ACTL8: variants seen among roughly 807,000 people sequenced by gnomAD.
The protein encoded by ACTL8 is actin-like protein 8.
A neutral mutation model predicts 9.3 loss-of-function variants in ACTL8; 3 were observed. The observed-to-expected ratio is 0.32, with a 90% CI of 0.15 to 0.83. ACTL8 has a LOEUF of 0.83. Ranked by LOEUF, ACTL8 falls within the 40% of genes least tolerant of loss-of-function variation. The pLI is 0.57. For synonymous variants in ACTL8, 224 were observed against 205.9 expected (o/e 1.09, Z -0.75); for missense variants, 381 against 492.2 (o/e 0.77, Z 2.14).
chr1:17,809,176 T>C (rs1470041846), intron 1 of ACTL8, among the ~76,000 whole-genome samples: 2 of 152,152 alleles, frequency 1.3e-5, no homozygotes, highest in East Asian at 1.9e-4. Flanking sequence ...AATATGAACT[T>C]GTCTTCCTGG....
At chr1:17,815,747 T>G (rs2066422277) in intron 1 of ACTL8, among the ~76,000 whole-genome samples, 1 of 152,196 alleles carries the variant, frequency 6.6e-6, no homozygotes, top group Non-Finnish European at 1.5e-5. Context: ...CTTCAAAACT[T>G]TTTCTGAGCC....
intron 1 of ACTL8, among the ~76,000 whole-genome samples, chr1:17,761,134 ATTTT>A (rs935834059): frequency 5.3e-5 from 7 of 131,378 alleles, no homozygotes; most frequent in Non-Finnish European, 4.9e-5. Context: ...TTGCGGCTTA[ATTTT>A]TTTTTTTTTT....
In ACTL8 at chr1:17,823,023, C is replaced by T. The variant is rs374320130; in HGVS notation, c.15C>T (p.Thr5=). 44 of 1,613,714 alleles carry T rather than the reference C, an allele frequency of 2.7e-5. No homozygotes were observed. Among genetic ancestry groups the T allele is most frequent in the Non-Finnish European group, 3.2e-5 (38 of 1,179,888 alleles). Residue 5 remains threonine, a synonymous_variant, in exon 2 of 3, where the codon ACC becomes ACT. Transcript: ENST00000375406. The surrounding 1 kb of genome is among the most constrained non-coding windows in gnomAD (Gnocchi z 5.3). Reference sequence around the variant, plus strand: ...CTGCCTCCGCCATGGCTGCAAGAACCGTTATCATTGACCACGGGTCTGGCT... The same window carrying T: ...CTGCCTCCGCCATGGCTGCAAGAACTGTTATCATTGACCACGGGTCTGGCT... MAAR[T]VIIDHGSGFL... is the part of the protein sequence containing the mutation.
chr1:17,826,654 G>C lies in ACTL8; in HGVS notation c.*135G>C. 1 of 886,006 alleles carries C rather than the reference G, an allele frequency of 1.1e-6. No homozygotes were observed. Among genetic ancestry groups the C allele is most frequent in the Non-Finnish European group, 1.6e-6 (1 of 617,910 alleles). 54.9% of individuals were successfully genotyped at this position (886,006 alleles called of 1,614,324 possible). ...GCTTTGGAATTCTAGGGGCATGAGGGTATTTTTTAGGTTCTAAGGTTTTAT... is the reference window on the plus strand; with the variant it reads ...GCTTTGGAATTCTAGGGGCATGAGGCTATTTTTTAGGTTCTAAGGTTTTAT... On this transcript the variant is annotated 3_prime_UTR_variant, in exon 3 of 3. Transcript: ENST00000375406. The surrounding 1 kb of genome is among the most constrained non-coding windows in gnomAD (Gnocchi z 4.5).
intron 1 of ACTL8, among the ~76,000 whole-genome samples, chr1:17,774,124 T>C (rs2102679821): frequency 6.6e-6 from 1 of 152,160 alleles, no homozygotes. Context: ...GACTGCAGAG[T>C]CGGAACTAAA....
intron 1 of ACTL8, among the ~76,000 whole-genome samples, chr1:17,805,753 A>G (rs1469542542): frequency 6.6e-6 from 1 of 152,232 alleles, no homozygotes; most frequent in Non-Finnish European, 1.5e-5. Flanking sequence ...TCCTTAGGGC[A>G]GCCACTGTTG....
At position 17,767,603 on chromosome 1, in the gene ACTL8, T is replaced by C. The variant is rs2066053590; in HGVS notation, c.-25+12099T>C. 6.6e-6 allele frequency among the ~76,000 whole-genome samples: 1 copy of C among 152,104 alleles called. No individual in the cohort carries two copies. Among genetic ancestry groups the C allele is most frequent in the Non-Finnish European group, 1.5e-5 (1 of 68,026 alleles). ...TGTGGCTGCCTTGTCCAGTGGTTATTTGGTGCGCAGTAAGCCCTTTGCTTT... is the reference window on the plus strand; with the variant it reads ...TGTGGCTGCCTTGTCCAGTGGTTATCTGGTGCGCAGTAAGCCCTTTGCTTT... On this transcript the variant is annotated intron_variant, in intron 1 of 2. Coordinates refer to ENST00000375406, the MANE Select transcript of ACTL8 (RefSeq NM_030812.3). This position sits in a 1 kb window ranked among gnomAD's most constrained non-coding sequence, Gnocchi z 4.7.
At chr1:17,770,858 G>A (rs11203459) in intron 1 of ACTL8, among the ~76,000 whole-genome samples, 43,577 of 151,998 alleles carry the variant, frequency 0.29, 6,798 homozygotes, top group Admixed American at 0.38. Context: ...GGCTCTGACC[G>A]GGAAGAATAG....
intron 1 of ACTL8, among the ~76,000 whole-genome samples, 169 bp downstream of exon 1, chr1:17,755,673 C>A (rs1442097612): frequency 6.6e-6 from 1 of 151,562 alleles, no homozygotes; most frequent in Non-Finnish European, 1.5e-5. Flanking sequence ...TGGGGAGTGA[C>A]AGGCTCTACC....
chr1:17,795,342 GAA>G (rs2066269207), intron 1 of ACTL8, among the ~76,000 whole-genome samples: 1 of 152,230 alleles, frequency 6.6e-6, no homozygotes, highest in Non-Finnish European at 1.5e-5. Flanking sequence ...GGAGGCCTGG[GAA>G]AGGAGTCCTC....
intron 1 of ACTL8, among the ~76,000 whole-genome samples, chr1:17,805,953 A>G (rs1228408889): frequency 3.3e-5 from 5 of 152,184 alleles, no homozygotes; most frequent in Non-Finnish European, 5.9e-5. Context: ...TAGGGACAAG[A>G]TGTCACCTAC....
At chr1:17,806,399 C>G (rs1398836418) in intron 1 of ACTL8, among the ~76,000 whole-genome samples, 3 of 152,236 alleles carry the variant, frequency 2.0e-5, no homozygotes, top group Non-Finnish European at 4.4e-5. Context: ...TCTCTTTCTT[C>G]TGGTACTCCC....
At chr1:17,764,070 C>T (rs1012723508) in intron 1 of ACTL8, among the ~76,000 whole-genome samples, 1 of 149,836 alleles carries the variant, frequency 6.7e-6, no homozygotes, top group Non-Finnish European at 1.5e-5. Flanking sequence ...GAGCAGGGCT[C>T]GGGAAACCCC....
At chr1:17,785,877 C>T (rs189873499) in intron 1 of ACTL8, among the ~76,000 whole-genome samples, 30 of 152,250 alleles carry the variant, frequency 2.0e-4, no homozygotes, top group Admixed American at 1.8e-3. Context: ...AGCTGGGTCT[C>T]CTGCTTGGAT....
chr1:17,762,349 T>C (rs1251683057), intron 1 of ACTL8, among the ~76,000 whole-genome samples: 1 of 152,038 alleles, frequency 6.6e-6, no homozygotes, highest in African/African-American at 2.4e-5. Flanking sequence ...GGATGGCTAC[T>C]TTCTGTTCCT....
At chr1:17,806,262 T>A (rs1217683971) in intron 1 of ACTL8, among the ~76,000 whole-genome samples, 1 of 152,166 alleles carries the variant, frequency 6.6e-6, no homozygotes, top group Admixed American at 6.5e-5. Flanking sequence ...CAAGAGACAA[T>A]CAATCAAGCC....
rs2065993132 is a variant in ACTL8 at position 17,760,483 on chromosome 1, A to G, written c.-25+4979A>G. On this transcript the variant is annotated intron_variant, in intron 1 of 2. Coordinates refer to ENST00000375406, the MANE Select transcript of ACTL8 (RefSeq NM_030812.3). ...GAGGGGCACTTGGCATGGGGCTGGC[A>G]TGGAGCAGATGCACAGTGGTTGCAG... is the stretch of plus-strand genomic sequence containing the variant. 2.6e-5 allele frequency among the ~76,000 whole-genome samples: 4 copies of G among 152,214 alleles called. No homozygotes were observed. In the South Asian group the frequency reaches 8.3e-4, roughly 31 times the overall value.
chr1:17,820,970 T>A (rs2053656253), intron 1 of ACTL8, among the ~76,000 whole-genome samples: 1 of 152,216 alleles, frequency 6.6e-6, no homozygotes, highest in Non-Finnish European at 1.5e-5. Flanking sequence ...GGGTGGGCCT[T>A]AATTTCGGTC....
intron 1 of ACTL8, among the ~76,000 whole-genome samples, chr1:17,766,319 G>A (rs1557427701): frequency 2.0e-5 from 3 of 152,292 alleles, no homozygotes; most frequent in South Asian, 4.1e-4. Flanking sequence ...GCTGGGACTG[G>A]TACTTTGGCC....
Sources: gnomAD v4.1 joint callset for allele counts (sites outside exome capture counted in the v4.1 genomes callset) on GRCh38, gnomAD v4.1.1 for gene constraint, Gnocchi (gnomAD v3.1) non-coding constraint, MANE v1.5 for transcripts, NCBI Gene and HGNC (gene_info 2026-07-23, HGNC 2026-07-21) for gene names.